The following SERPINI1 variants were observed in gnomAD, a reference collection of about 807,000 sequenced individuals.
SERPINI1 encodes the protein serpin family I member 1.
SERPINI1 carries 19 observed loss-of-function variants against 41.1 expected under a neutral mutation model. The observed-to-expected ratio is 0.46, with a 90% CI of 0.32 to 0.68. SERPINI1 has a LOEUF of 0.68. SERPINI1 is among the 30% of genes least tolerant of loss of function. SERPINI1 has a pLI of 0.03. For synonymous variants in SERPINI1, 138 were observed against 156.6 expected (o/e 0.88, Z 0.89); for missense variants, 460 against 479.2 (o/e 0.96, Z 0.37).
At chr3:167,753,353 T>G (rs1406682216) in intron 1 of SERPINI1, among the ~76,000 whole-genome samples, 1 of 152,176 alleles carries the variant, frequency 6.6e-6, no homozygotes, top group African/African-American at 2.4e-5. Context: ...TTAGGGATGT[T>G]CAATAAATAT....
intron 6 of SERPINI1, among the ~76,000 whole-genome samples, chr3:167,819,586 C>A (rs974175106): frequency 3.9e-5 from 6 of 152,124 alleles, no homozygotes; most frequent in Non-Finnish European, 8.8e-5. Flanking sequence ...GTAATATTCC[C>A]ATTAAAAGTA....
chr3:167,755,916 A>G (rs571474194), intron 1 of SERPINI1, among the ~76,000 whole-genome samples: 16 of 150,980 alleles, frequency 1.1e-4, no homozygotes, highest in Non-Finnish European at 1.9e-4. Flanking sequence ...CAGGCCGCTG[A>G]CTGAAAGAGA....
intron 6 of SERPINI1, among the ~76,000 whole-genome samples, chr3:167,821,723 T>C (rs1712336020): frequency 6.6e-6 from 1 of 152,206 alleles, no homozygotes; most frequent in Non-Finnish European, 1.5e-5. Flanking sequence ...TTCCAGCTGA[T>C]GAAGCGACAC....
intron 1 of SERPINI1, among the ~76,000 whole-genome samples, chr3:167,770,218 A>T (rs555334611): frequency 6.6e-6 from 1 of 152,040 alleles, no homozygotes; most frequent in East Asian, 1.9e-4. Context: ...GTATATGTTT[A>T]AAAAAGTTCA....
At chr3:167,741,066 G>A (rs372154411) in intron 1 of SERPINI1, among the ~76,000 whole-genome samples, 11 of 152,078 alleles carry the variant, frequency 7.2e-5, no homozygotes, top group African/African-American at 2.4e-4. Context: ...CATGAAGAAC[G>A]AATGAGTTTT....
intron 1 of SERPINI1, among the ~76,000 whole-genome samples, chr3:167,783,258 G>A (rs1054187184): frequency 1.3e-5 from 2 of 152,126 alleles, no homozygotes; most frequent in African/African-American, 2.4e-5. Context: ...GTCCCAGGGT[G>A]CAACATGGAA....
chr3:167,811,252 G>C (rs1711866460), intron 6 of SERPINI1, among the ~76,000 whole-genome samples: 1 of 151,344 alleles, frequency 6.6e-6, no homozygotes, highest in African/African-American at 2.4e-5. Flanking sequence ...TCTGGGCAAA[G>C]AGGCCAGGAA....
chr3:167,798,598 A>T (rs948647052), intron 5 of SERPINI1, among the ~76,000 whole-genome samples: 1 of 152,192 alleles, frequency 6.6e-6, no homozygotes, highest in African/African-American at 2.4e-5. Flanking sequence ...AATGGTTTGC[A>T]TAGTTTTATC....
In SERPINI1 at chr3:167,814,852, G is replaced by C. The variant is rs556145619; in HGVS notation, c.979+7511G>C. Among the ~76,000 whole-genome samples the C allele has an allele frequency of 5.9e-5, 9 of 152,266 alleles. No homozygotes were observed. The South Asian group carries it at 1.9e-3, about 32-fold the overall frequency. ...TCCATTGTAAAAATCCTGGCCTCAT[G>C]CTGCCTGGAGGAAAGTAGGACCAGT... is the stretch of plus-strand genomic sequence containing the variant. On this transcript the variant is annotated intron_variant, in intron 6 of 8. Transcript: ENST00000446050.
chr3:167,777,590 A>G (rs1173530606), intron 1 of SERPINI1, among the ~76,000 whole-genome samples: 1 of 152,190 alleles, frequency 6.6e-6, no homozygotes, highest in Non-Finnish European at 1.5e-5. Context: ...AGACACTGCT[A>G]AAGAAAGGGA....
At chr3:167,737,422 C>T (rs1249776028) in intron 1 of SERPINI1, among the ~76,000 whole-genome samples, 2 of 152,042 alleles carry the variant, frequency 1.3e-5, no homozygotes, top group Non-Finnish European at 2.9e-5. Context: ...TTTGCTACAG[C>T]ACTGGAGAAT....
chr3:167,764,267 G>T (rs1209817788), intron 1 of SERPINI1, among the ~76,000 whole-genome samples: 1 of 152,072 alleles, frequency 6.6e-6, no homozygotes, highest in Non-Finnish European at 1.5e-5. Context: ...TCACGCTGCT[G>T]ATCAATTCAT....
chr3:167,754,356 C>T (rs1726132888), intron 1 of SERPINI1, among the ~76,000 whole-genome samples: 1 of 152,106 alleles, frequency 6.6e-6, no homozygotes, highest in African/African-American at 2.4e-5. Context: ...CTCTTAAAGC[C>T]CTCCATTGAT....
chr3:167,781,404 G>T (rs1341380874), intron 1 of SERPINI1, among the ~76,000 whole-genome samples: 1 of 152,008 alleles, frequency 6.6e-6, no homozygotes, highest in Non-Finnish European at 1.5e-5. Context: ...TTTTTTATGT[G>T]ATTGATGTAG....
At chr3:167,807,889 G>A (rs1035947147) in intron 6 of SERPINI1, among the ~76,000 whole-genome samples, 1 of 152,044 alleles carries the variant, frequency 6.6e-6, no homozygotes, top group African/African-American at 2.4e-5. Flanking sequence ...GGCTGAGGTG[G>A]GGGGATCACC....
intron 1 of SERPINI1, among the ~76,000 whole-genome samples, chr3:167,770,920 C>T (rs970820318): frequency 6.6e-6 from 1 of 152,198 alleles, no homozygotes; most frequent in Non-Finnish European, 1.5e-5. Context: ...GATGTACCCT[C>T]ATGGTGTTGT....
chr3:167,763,356 T>G (rs1726445606), intron 1 of SERPINI1, among the ~76,000 whole-genome samples: 1 of 144,982 alleles, frequency 6.9e-6, no homozygotes, highest in Admixed American at 6.7e-5. Flanking sequence ...CAACCACAGT[T>G]TTGTGTGTGT....
At chr3:167,743,884 G>A (rs772005095) in intron 1 of SERPINI1, among the ~76,000 whole-genome samples, 8 of 152,078 alleles carry the variant, frequency 5.3e-5, no homozygotes, top group Non-Finnish European at 1.2e-4. Context: ...CAGCTGGTAT[G>A]TTGGTTAATT....
At chr3:167,747,523 G>A (rs9842259) in intron 1 of SERPINI1, among the ~76,000 whole-genome samples, 84,910 of 151,908 alleles carry the variant, frequency 0.56, 26,520 homozygotes, top group African/African-American at 0.85. Flanking sequence ...GGGCGCCTGT[G>A]GTTCCAGCTA....
Sources: allele counts gnomAD v4.1 joint callset (sites outside exome capture counted in the v4.1 genomes callset), GRCh38; gene constraint gnomAD v4.1.1; transcripts MANE v1.5; gene names NCBI Gene and HGNC (gene_info 2026-07-23, HGNC 2026-07-21).